Variants in ATP7B observed in about 807,000 individuals in gnomAD.
ATP7B encodes the protein copper-transporting ATPase 2.
A neutral mutation model predicts 118.9 loss-of-function variants in ATP7B; 113 were observed. The observed-to-expected ratio is 0.95, with a 90% CI of 0.82 to 1.11. ATP7B has a LOEUF of 1.11. Among genes scored for constraint, ATP7B ranks in the 50% most tolerant of loss-of-function variants. The pLI is 0.00. For missense variants in ATP7B, 1,867 were observed against 1,871.4 expected (o/e 1.00, Z 0.04); for synonymous variants, 777 against 727.4 (o/e 1.07, Z -1.10).
chr13:51,958,113 C>G (rs149692491), intron 8 of ATP7B, 198 bp downstream of exon 8: 116 of 638,308 alleles, frequency 1.8e-4, no homozygotes, highest in African/African-American at 9.9e-4. Flanking sequence ...AATAATTAAC[C>G]AGATTAGCTG....
Position 51,939,053 on chromosome 13 carries a change from G to GTTAA in ATP7B, c.3696_3697insTTAA (p.Gln1233LeufsTer27). Reference sequence around the variant, plus strand: ...TTTGCAACATTAAAGGGCTGTACCTGGGTGGCAATAGCTCTGGCTGTCTTC... The same window carrying GTTAA: ...TTTGCAACATTAAAGGGCTGTACCTGTTAAGGTGGCAATAGCTCTGGCTGTCTTC... On this transcript the variant is annotated frameshift_variant, in exon 17 of 21. Coordinates refer to ENST00000242839, the MANE Select transcript of ATP7B (RefSeq NM_000053.4). LOFTEE classifies it high-confidence loss of function. The GTTAA allele has an allele frequency of 1.9e-6, 3 of 1,614,234 alleles. No individual in the cohort carries two copies. Among genetic ancestry groups the GTTAA allele is most frequent in the Non-Finnish European group, 2.5e-6 (3 of 1,180,042 alleles).
At chr13:51,964,644 G>A (rs1958969185) in intron 5 of ATP7B, 1 of 520,150 alleles carries the variant, frequency 1.9e-6, no homozygotes, top group South Asian at 2.1e-5. Context: ...CAATAATAAT[G>A]TCTTTTCCTC....
chr13:51,966,302 CCCCAGA>C (rs1951543763), intron 4 of ATP7B, among the ~76,000 whole-genome samples: 2 of 152,328 alleles, frequency 1.3e-5, no homozygotes, highest in South Asian at 4.1e-4. Flanking sequence ...TGAAGCACGT[CCCCAGA>C]TGGGCTGGCT....
At chr13:51,973,831 AT>A in intron 2 of ATP7B, 103 bp downstream of exon 2, 1 of 1,531,568 alleles carries the variant, frequency 6.5e-7, no homozygotes, top group African/African-American at 1.4e-5. Context: ...CACTGTTGAC[AT>A]GGGAGGCAGG....
intron 12 of ATP7B, 63 bp downstream of exon 12, chr13:51,949,599 A>C (rs1957866808): frequency 8.8e-6 from 14 of 1,587,620 alleles, no homozygotes; most frequent in Non-Finnish European, 1.2e-5. Context: ...ATGAAAGAAC[A>C]GGATCAATGT....
intron 7 of ATP7B, 70 bp from the exon 8 acceptor site, chr13:51,958,614 G>A: frequency 7.3e-7 from 1 of 1,369,478 alleles, no homozygotes; most frequent in East Asian, 2.3e-5. Context: ...ACAGGGCCAA[G>A]GGCCCTGGGG....
chr13:51,945,081 T>G (rs1038716868), intron 13 of ATP7B, among the ~76,000 whole-genome samples: 2 of 151,640 alleles, frequency 1.3e-5, no homozygotes, highest in Non-Finnish European at 2.9e-5. Flanking sequence ...GCGGTGGCCT[T>G]CCTTCCTTCA....
chr13:51,964,975 G>T lies in ATP7B; in HGVS notation c.1766C>A (p.Thr589Lys), dbSNP rs752936636. The T allele has an allele frequency of 1.2e-6, 2 of 1,614,172 alleles. No individual in the cohort carries two copies. The highest frequency in any genetic ancestry group is 1.7e-6 in the Non-Finnish European group (2 of 1,180,030). The change falls in exon 5 of 21, where the codon ACA (threonine) becomes AAA (lysine). Residue 589 changes from threonine (T) to lysine (K), a missense_variant. Transcript: ENST00000242839. ...AACGGAGGCATAAGTGATGCCATTT[G>T]TCCTCGTGAGTTTGGACTCTATGTT... is the stretch of plus-strand genomic sequence containing the variant. ...VHNIESKLTR[T>K]NGITYASVAL...
chr13:51,980,408 A>G (rs1952357407), intron 1 of ATP7B, among the ~76,000 whole-genome samples: 1 of 152,224 alleles, frequency 6.6e-6, no homozygotes. Flanking sequence ...CCAAAAGTGA[A>G]TTTCAATTCT....
chr13:51,995,310 T>G (rs903472534), intron 1 of ATP7B: 1 of 985,386 alleles, frequency 1.0e-6, no homozygotes, highest in Non-Finnish European at 1.2e-6. Context: ...GCAATTGCAC[T>G]GACCTGACTG....
chr13:51,981,010 AT>A (rs1211630601), intron 1 of ATP7B, among the ~76,000 whole-genome samples: 2 of 152,156 alleles, frequency 1.3e-5, no homozygotes, highest in African/African-American at 4.8e-5. Context: ...TCTGAGTGTT[AT>A]TTTATGAGGA....
At chr13:51,986,409 T>G (rs1045655778) in intron 1 of ATP7B, among the ~76,000 whole-genome samples, 22 of 152,124 alleles carry the variant, frequency 1.4e-4, no homozygotes, top group African/African-American at 4.8e-4. Flanking sequence ...GTTCTGAAAT[T>G]GAGGGAGTAA....
At position 51,974,651 on chromosome 13, in the gene ATP7B, T is replaced by A; in HGVS notation, c.569A>T (p.Tyr190Phe). Residue 190 changes from tyrosine (Y) to phenylalanine (F), a missense_variant, in exon 2 of 21, where the codon TAT becomes TTT. Coordinates refer to ENST00000242839, the MANE Select transcript of ATP7B (RefSeq NM_000053.4). ...NQEAVITYQP[Y>F]LIQPEDLRDH... ...CCTGAGGTCTTCGGGCTGAATGAGA[T>A]AAGGCTGATAAGTGATGACGGCCTC... The A allele has an allele frequency of 6.2e-7, 1 of 1,611,222 alleles. No individual in the cohort carries two copies. Among genetic ancestry groups the A allele is most frequent in the Non-Finnish European group, 8.5e-7 (1 of 1,177,838 alleles).
At chr13:51,988,466 A>G (rs2140332602) in intron 1 of ATP7B, among the ~76,000 whole-genome samples, 1 of 152,296 alleles carries the variant, frequency 6.6e-6, no homozygotes, top group Admixed American at 6.5e-5. Context: ...TGGGAGTGTA[A>G]ATTAGTTCAA....
At chr13:51,949,217 T>C (rs1202753984) in intron 12 of ATP7B, among the ~76,000 whole-genome samples, 1 of 152,186 alleles carries the variant, frequency 6.6e-6, no homozygotes, top group Non-Finnish European at 1.5e-5. Flanking sequence ...CATAAAAAGC[T>C]ATTTACATTA....
At chr13:51,946,561 G>C in intron 12 of ATP7B, 83 bp from the exon 13 acceptor site, 1 of 1,510,172 alleles carries the variant, frequency 6.6e-7, no homozygotes, top group African/African-American at 1.4e-5. Flanking sequence ...GACATTTCAG[G>C]GGGGCACTGG....
intron 1 of ATP7B, among the ~76,000 whole-genome samples, chr13:51,987,236 T>C (rs1265875208): frequency 6.6e-6 from 1 of 152,160 alleles, no homozygotes; most frequent in Non-Finnish European, 1.5e-5. Context: ...GGATACAAAA[T>C]CAATGTGCAA....
intron 2 of ATP7B, among the ~76,000 whole-genome samples, chr13:51,971,548 C>T (rs192610154): frequency 1.3e-4 from 20 of 152,296 alleles, no homozygotes; most frequent in South Asian, 2.1e-4. Context: ...CCTGATTGCA[C>T]GGTTGAAAGA....
intron 2 of ATP7B, among the ~76,000 whole-genome samples, chr13:51,971,146 T>G (rs1247699203): frequency 6.6e-6 from 1 of 152,250 alleles, no homozygotes; most frequent in East Asian, 1.9e-4. Context: ...AAGGAGCTCC[T>G]AATCAATCAA....
Sources: gnomAD v4.1 joint callset for allele counts (sites outside exome capture counted in the v4.1 genomes callset) on GRCh38, gnomAD v4.1.1 for gene constraint, MANE v1.5 for transcripts, NCBI Gene and HGNC (gene_info 2026-07-23, HGNC 2026-07-21) for gene names.